The following CARS1 variants were observed in gnomAD, a reference collection of about 807,000 sequenced individuals.
CARS1 encodes the protein cysteinyl-tRNA synthetase 1.
In CARS1, 48 loss-of-function variants were observed where a neutral mutation model predicts 106.2. The observed-to-expected ratio is 0.45, with a 90% CI of 0.36 to 0.57. The LOEUF is 0.57. Ranked by LOEUF, CARS1 falls within the 20% of genes least tolerant of loss-of-function variation. The probability of loss-of-function intolerance (pLI) is 0.00; values close to 1 mark genes in which losing one functional copy is unlikely to be tolerated. For missense variants in CARS1, 968 were observed against 1,057.2 expected (o/e 0.92, Z 1.17); for synonymous variants, 409 against 403.4 (o/e 1.01, Z -0.17).
In CARS1 at chr11:3,006,942, G is replaced by A. The variant is rs1849929320; in HGVS notation, c.2086C>T (p.Leu696Phe). 1 of 1,614,044 alleles carries A rather than the reference G, an allele frequency of 6.2e-7. No homozygotes were observed. The highest frequency in any genetic ancestry group is 8.5e-7 in the Non-Finnish European group (1 of 1,179,976). Residue 696 changes from leucine to phenylalanine, a missense_variant, in exon 19 of 23, where the codon CTC becomes TTC. Physicochemically the swap from Leu to Phe is conservative, Grantham distance 22 (BLOSUM62 0). Coordinates refer to ENST00000380525, the MANE Select transcript of CARS1 (RefSeq NM_001014437.3). ...REQKVPEILQLSDALRDNILP... is the reference protein window; with the variant it reads ...REQKVPEILQFSDALRDNILP... ...ATGTTGTCCCGCAGGGCATCGCTGA[G>A]CTGCAGAATCTCAGGGACTGTAGGA...
intron 18 of CARS1, chr11:3,007,251 C>G (rs534092802): frequency 2.2e-6 from 1 of 446,084 alleles, no homozygotes; most frequent in African/African-American, 2.0e-5. Flanking sequence ...GCACACTGGC[C>G]GCCGGAAGCA....
In CARS1 at chr11:3,029,141, T is replaced by C. The variant is rs928896796; in HGVS notation, c.943-57A>G. The C allele has an allele frequency of 4.2e-5, 61 of 1,462,442 alleles. No homozygotes were observed. The highest frequency in any genetic ancestry group is 1.4e-4 in the Admixed American group (8 of 58,992). The allele number at this position is 1,462,442 out of a possible 1,614,324, so 90.6% of individuals were successfully genotyped here. On this transcript the variant is annotated intron_variant, in intron 8 of 22. Transcript: ENST00000380525. This position sits in a 1 kb window ranked among gnomAD's most constrained non-coding sequence, Gnocchi z 5.9. ...TCCCTTCTGAAAACCACGCGCTCCA[T>C]AAAAACGTTCCCAATTCATAAAACG...
At chr11:3,013,500 C>T (rs1850702082) in intron 17 of CARS1, among the ~76,000 whole-genome samples, 1 of 152,084 alleles carries the variant, frequency 6.6e-6, no homozygotes, top group Non-Finnish European at 1.5e-5. Context: ...GGCTTTTGAG[C>T]AAGGTTGCTC....
chr11:3,026,844 A>G (rs1477069308), intron 9 of CARS1, 47 bp from the exon 10 acceptor site: 1 of 1,582,556 alleles, frequency 6.3e-7, no homozygotes. Context: ...ACAGACCCGA[A>G]AGTGTGTCAG....
rs541493378 is a variant in CARS1, at chr11:3,037,873, G to A, written c.801+177C>T. The stretch of plus-strand genomic sequence containing the variant: ...AATGGGGCAAAGGGGTGTGGGAGGG[G>A]AGGGGCACTGACTCAGCCACCGCAG... On this transcript the variant is annotated intron_variant, in intron 7 of 22. Transcript: ENST00000380525. This position sits in a 1 kb window ranked among gnomAD's most constrained non-coding sequence, Gnocchi z 5.9. Among the ~76,000 whole-genome samples the A allele has an allele frequency of 6.6e-6, 1 of 152,278 alleles. No individual in the cohort carries two copies. The highest frequency in any genetic ancestry group is 2.4e-5 in the African/African-American group (1 of 41,564).
At position 3,012,217 on chromosome 11, in the gene CARS1, C is replaced by A. The variant is rs1202699048; in HGVS notation, c.2046G>T (p.Arg682=). 6.2e-7 allele frequency: 1 copy of A among 1,614,252 alleles called. No homozygotes were observed. The highest frequency in any genetic ancestry group is 1.7e-5 in the Admixed American group (1 of 60,034). Residue 682 remains arginine, a synonymous_variant, in exon 18 of 23, where the codon CGG becomes CGT. Coordinates refer to ENST00000380525, the MANE Select transcript of CARS1 (RefSeq NM_001014437.3). ...CACCTTTTTGCTCTCGGGCAATCTT[C>A]CGCACTCCTTCTCGGAATTCTGATA... The part of the protein sequence containing the change: ...QVLSEFREGV[R]KIAREQKVPE...
chr11:3,026,664 T>C lies in CARS1; in HGVS notation c.1153+12A>G. On this transcript the variant is annotated intron_variant, in intron 10 of 22. Transcript: ENST00000380525. ...GGGAGAGCCCACATGCTCTCAGGCA[T>C]GCCCTCCTCACCTTCCCCTTCTTGA... The C allele has an allele frequency of 6.2e-7, 1 of 1,613,044 alleles. No individual in the cohort carries two copies. The highest frequency in any genetic ancestry group is 8.5e-7 in the Non-Finnish European group (1 of 1,179,708).
intron 17 of CARS1, among the ~76,000 whole-genome samples, chr11:3,014,289 T>C (rs1394389750): frequency 6.6e-6 from 1 of 152,188 alleles, no homozygotes; most frequent in Non-Finnish European, 1.5e-5. Context: ...ACTGAGGTGG[T>C]ACAAGATGGA....
intron 18 of CARS1, 81 bp from the exon 19 acceptor site, chr11:3,007,040 A>G (rs7950766): frequency 0.8 from 960,019 of 1,206,996 alleles, 380,851 homozygotes; most frequent in African/African-American, 0.93. Context: ...GTGCTGGGGA[A>G]GGAGGGGCCG....
At chr11:3,036,906 G>A (rs1853714124) in intron 7 of CARS1, among the ~76,000 whole-genome samples, 1 of 151,558 alleles carries the variant, frequency 6.6e-6, no homozygotes, top group Non-Finnish European at 1.5e-5. Flanking sequence ...CACTATGCTG[G>A]GCAAAATAAA....
intron 19 of CARS1, among the ~76,000 whole-genome samples, 185 bp downstream of exon 19, chr11:3,006,694 T>G (rs1246469797): frequency 6.6e-6 from 1 of 152,116 alleles, no homozygotes; most frequent in Non-Finnish European, 1.5e-5. Flanking sequence ...AGCTACGGGG[T>G]GCTCCCCTGC....
rs144286130 is a variant in CARS1 at position 3,052,259 on chromosome 11, G to T, written c.26-4258C>A. 3.9e-5 allele frequency among the ~76,000 whole-genome samples: 6 copies of T among 152,268 alleles called. No homozygotes were observed. The highest frequency in any genetic ancestry group is 7.4e-5 in the Non-Finnish European group (5 of 68,026). ...GAGTACCTACACTCACACACACGGC[G>T]GCATTTCCTCACGGTAAAACACGCT... On this transcript the variant is annotated intron_variant, in intron 1 of 22. Coordinates refer to ENST00000380525, the MANE Select transcript of CARS1 (RefSeq NM_001014437.3). This position sits in a 1 kb window ranked among gnomAD's most constrained non-coding sequence, Gnocchi z 4.6.
chr11:3,001,159 G>A lies in CARS1; in HGVS notation c.2451C>T (p.Leu817=). ...LKKLFEAQEK[L]YKEYLQMAQN... is the part of the protein sequence containing the mutation. ...GGGCCATCTGCAGATATTCCTTGTA[G>A]AGCTTCTCCTGAGCCTCGAAGAGCT... is the stretch of plus-strand genomic sequence containing the variant. The change falls in exon 23 of 23, where the codon CTC becomes CTT. Residue 817 remains leucine, a synonymous_variant. Transcript: ENST00000380525. 1.2e-6 allele frequency: 2 copies of A among 1,614,074 alleles called. No individual in the cohort carries two copies. Among genetic ancestry groups the A allele is most frequent in the Non-Finnish European group, 1.7e-6 (2 of 1,180,026 alleles).
chr11:3,054,926 T>G (rs1356421514), intron 1 of CARS1: 1 of 702,494 alleles, frequency 1.4e-6, no homozygotes, highest in Non-Finnish European at 2.6e-6. Context: ...GGAAAGGCCC[T>G]GAGGTAGGCT....
rs901908201 is a variant in CARS1, at chr11:3,044,655, A to C, written c.275-2399T>G. Among the ~76,000 whole-genome samples the C allele has an allele frequency of 6.6e-6, 1 of 152,106 alleles. No homozygotes were observed. On this transcript the variant is annotated intron_variant, in intron 2 of 22. Transcript: ENST00000380525. This position sits in a 1 kb window ranked among gnomAD's most constrained non-coding sequence, Gnocchi z 4.4. Reference sequence around the variant, plus strand: ...TGTGATCTGCCTGCCTTGGCCTCCTAAAGTGCTGGGATTACAGGTGTGAGC... The same window carrying C: ...TGTGATCTGCCTGCCTTGGCCTCCTCAAGTGCTGGGATTACAGGTGTGAGC...
rs77848405 is a variant in CARS1 at position 3,050,542 on chromosome 11, G to T, written c.26-2541C>A. 2.0e-5 allele frequency among the ~76,000 whole-genome samples: 3 copies of T among 152,160 alleles called. No homozygotes were observed. Among genetic ancestry groups the T allele is most frequent in the African/African-American group, 7.2e-5 (3 of 41,414 alleles). On this transcript the variant is annotated intron_variant, in intron 1 of 22. Transcript: ENST00000380525. This position sits in a 1 kb window ranked among gnomAD's most constrained non-coding sequence, Gnocchi z 6.3. The stretch of plus-strand genomic sequence containing the variant: ...AGACACCGCCACCTGTAGCCAGCAT[G>T]GCTCTCCCCTCACAGCCACAGGCCT...
intron 10 of CARS1, among the ~76,000 whole-genome samples, chr11:3,023,898 T>C (rs533605000): frequency 6.6e-6 from 1 of 151,626 alleles, no homozygotes; most frequent in East Asian, 1.9e-4. Context: ...ACTTATTTCC[T>C]TTTTTTTTGT....
At position 3,039,971 on chromosome 11, in the gene CARS1, T is replaced by C. The variant is rs1260428926; in HGVS notation, c.456-40A>G. On this transcript the variant is annotated intron_variant, in intron 4 of 22. Coordinates refer to ENST00000380525, the MANE Select transcript of CARS1 (RefSeq NM_001014437.3). This position sits in a 1 kb window ranked among gnomAD's most constrained non-coding sequence, Gnocchi z 5.6. ...AAACAAACATTTCCACACCAGACGA[T>C]ATGTATAGCTTAACCTCCAACAACA... is the stretch of plus-strand genomic sequence containing the variant. 3 of 1,039,460 alleles carry C rather than the reference T, an allele frequency of 2.9e-6. No homozygotes were observed. The highest frequency in any genetic ancestry group is 4.4e-6 in the Non-Finnish European group (3 of 684,994). 64.4% of individuals were successfully genotyped at this position (1,039,460 alleles called of 1,614,324 possible).
intron 17 of CARS1, 101 bp downstream of exon 17, chr11:3,015,680 T>G: frequency 9.9e-7 from 1 of 1,008,558 alleles, no homozygotes; most frequent in Non-Finnish European, 1.6e-6. Flanking sequence ...AAGGGTCTGG[T>G]GTGGGTGGGC....
Sources: gnomAD v4.1 joint callset for allele counts (sites outside exome capture counted in the v4.1 genomes callset) on GRCh38, gnomAD v4.1.1 for gene constraint, Gnocchi (gnomAD v3.1) non-coding constraint, MANE v1.5 for transcripts, NCBI Gene and HGNC (gene_info 2026-07-23, HGNC 2026-07-21) for gene names.